PLCH1: variants seen among roughly 807,000 people sequenced by gnomAD.
The protein encoded by PLCH1 is phospholipase C eta 1, also known as 1-phosphatidylinositol 4,5-bisphosphate phosphodiesterase eta-1.
A neutral mutation model predicts 126.7 loss-of-function variants in PLCH1; 60 were observed. The ratio of observed to expected loss-of-function variants is 0.47; its 90% CI spans 0.38 to 0.59. The LOEUF is 0.59. Ranked by LOEUF, PLCH1 falls within the 20% of genes least tolerant of loss-of-function variation. The pLI is 0.00. For missense variants in PLCH1, 1,723 were observed against 2,040.0 expected (o/e 0.84, Z 2.99); for synonymous variants, 719 against 734.9 (o/e 0.98, Z 0.35).
At chr3:155,714,686 A>G (rs1747381405) in intron 1 of PLCH1, among the ~76,000 whole-genome samples, 1 of 152,200 alleles carries the variant, frequency 6.6e-6, no homozygotes, top group African/African-American at 2.4e-5. Context: ...TCGACCCTCC[A>G]AAGACACCCG....
intron 2 of PLCH1, among the ~76,000 whole-genome samples, chr3:155,694,429 A>G (rs1395956501): frequency 6.6e-6 from 1 of 152,248 alleles, no homozygotes; most frequent in Non-Finnish European, 1.5e-5. Context: ...ACATCTAGAG[A>G]TGATAAGCTT....
At chr3:155,593,012 T>C (rs912698210) in intron 4 of PLCH1, among the ~76,000 whole-genome samples, 1 of 152,160 alleles carries the variant, frequency 6.6e-6, no homozygotes, top group Non-Finnish European at 1.5e-5. Flanking sequence ...TCCATTCTTT[T>C]CCAGCAATAC....
chr3:155,679,610 T>G (rs1744354769), intron 2 of PLCH1, among the ~76,000 whole-genome samples: 1 of 152,180 alleles, frequency 6.6e-6, no homozygotes, highest in East Asian at 1.9e-4. Flanking sequence ...AATTCTAAAC[T>G]GAGATAAACT....
At chr3:155,569,020 T>C (rs1041419889) in intron 6 of PLCH1, among the ~76,000 whole-genome samples, 6 of 152,140 alleles carry the variant, frequency 3.9e-5, no homozygotes, top group Admixed American at 1.3e-4. Context: ...ATTAAATGAA[T>C]TGATATTTGC....
At chr3:155,742,434 G>A (rs962677674) in intron 1 of PLCH1, 4 of 152,084 alleles carry the variant, frequency 2.6e-5, no homozygotes, top group Non-Finnish European at 4.4e-5. Context: ...TTGCAAATCT[G>A]GTGCCACTAT....
intron 8 of PLCH1, among the ~76,000 whole-genome samples, chr3:155,557,632 T>C (rs962375366): frequency 2.6e-5 from 4 of 152,178 alleles, no homozygotes; most frequent in African/African-American, 9.7e-5. Context: ...GCAGTGAAGT[T>C]TCCTGTAAGT....
At chr3:155,561,050 T>C (rs1056718895) in intron 8 of PLCH1, among the ~76,000 whole-genome samples, 1 of 152,112 alleles carries the variant, frequency 6.6e-6, no homozygotes, top group African/African-American at 2.4e-5. Flanking sequence ...CATTAAAAAA[T>C]CTCTCCTCTT....
At chr3:155,641,667 C>T (rs189452002) in intron 2 of PLCH1, among the ~76,000 whole-genome samples, 1 of 152,268 alleles carries the variant, frequency 6.6e-6, no homozygotes, top group East Asian at 1.9e-4. Context: ...GATCATTACA[C>T]ATTGTATGCC....
At position 155,482,551 on chromosome 3, in the gene PLCH1, G is replaced by A. The variant is rs757343168; in HGVS notation, c.3475C>T (p.His1159Tyr). Residue 1159 changes from histidine (H) to tyrosine (Y), a missense_variant, in exon 23 of 23, where the codon CAT becomes TAT. This residue lies in a region of PLCH1 where 947 missense variants were observed against 977.1 expected (regional missense o/e 0.97). Coordinates refer to ENST00000460012, the MANE Select transcript of PLCH1 (RefSeq NM_014996.4). ...CTCTCCTGCAGAATTGCAGTTGAATGTAGGTCAGGTATGTCAGAACAGAGC... is the reference window on the plus strand; with the variant it reads ...CTCTCCTGCAGAATTGCAGTTGAATATAGGTCAGGTATGTCAGAACAGAGC... ...SMLCSDIPDL[H>Y]STAILQESVI... is the part of the protein sequence containing the mutation. 1.9e-6 allele frequency: 3 copies of A among 1,614,192 alleles called. No homozygotes were observed. The highest frequency in any genetic ancestry group is 2.5e-6 in the Non-Finnish European group (3 of 1,180,028).
chr3:155,575,405 A>G (rs922151138), intron 6 of PLCH1, among the ~76,000 whole-genome samples: 14 of 152,198 alleles, frequency 9.2e-5, no homozygotes, highest in Admixed American at 3.3e-4. Context: ...CAGAATGATC[A>G]AAGAAACATT....
chr3:155,485,383 C>G lies in PLCH1; in HGVS notation c.2947G>C (p.Asp983His). The G allele has an allele frequency of 6.2e-7, 1 of 1,606,108 alleles. No homozygotes were observed. Among genetic ancestry groups the G allele is most frequent in the Non-Finnish European group, 8.5e-7 (1 of 1,173,176 alleles). ...LSLPVSETAKDIEGKENSLAE... is the reference protein window; with the variant it reads ...LSLPVSETAKHIEGKENSLAE... ...AGAGAGTTTTCTTTTCCTTCAATGT[C>G]TTTTGCTGTTTCAGATACAGGCAGC... is the stretch of plus-strand genomic sequence containing the variant. Residue 983 changes from aspartate (D) to histidine (H), a missense_variant, in exon 22 of 23, where the codon GAC becomes CAC. Asp to His is a moderately conservative substitution (Grantham distance 81). This residue lies in a region of PLCH1 where 947 missense variants were observed against 977.1 expected (regional missense o/e 0.97). Coordinates refer to ENST00000460012, the MANE Select transcript of PLCH1 (RefSeq NM_014996.4).
chr3:155,730,324 C>G (rs532111462), intron 1 of PLCH1, among the ~76,000 whole-genome samples: 1 of 151,992 alleles, frequency 6.6e-6, no homozygotes, highest in Non-Finnish European at 1.5e-5. Flanking sequence ...CTCTTTCACC[C>G]AGGCGGGAGT....
chr3:155,535,850 C>G (rs892607090), intron 10 of PLCH1, among the ~76,000 whole-genome samples: 1 of 152,124 alleles, frequency 6.6e-6, no homozygotes, highest in Admixed American at 6.6e-5. Flanking sequence ...TGGAGGATAA[C>G]CAACAACTAG....
At chr3:155,605,823 C>T (rs1282500494) in intron 2 of PLCH1, among the ~76,000 whole-genome samples, 2 of 152,090 alleles carry the variant, frequency 1.3e-5, no homozygotes, top group Non-Finnish European at 2.9e-5. Flanking sequence ...GTTGAATTTT[C>T]CCTTCTCTGA....
chr3:155,562,800 C>T (rs1418995578), intron 8 of PLCH1, among the ~76,000 whole-genome samples: 1 of 152,130 alleles, frequency 6.6e-6, no homozygotes, highest in Non-Finnish European at 1.5e-5. Context: ...ATCTCTTGTC[C>T]CCTTTATTCC....
chr3:155,561,388 G>GT (rs1174963333), intron 8 of PLCH1, among the ~76,000 whole-genome samples: 1 of 150,670 alleles, frequency 6.6e-6, no homozygotes, highest in Non-Finnish European at 1.5e-5. Context: ...GCGGAGTTTG[G>GT]TTTTTTGTTC....
At chr3:155,463,442 T>A (rs1712803550) in intron 21 of PLCH1, among the ~76,000 whole-genome samples, 1 of 152,198 alleles carries the variant, frequency 6.6e-6, no homozygotes, top group East Asian at 1.9e-4. Context: ...AGATGTTAAC[T>A]ATATGTTTAT....
At chr3:155,593,838 T>G (rs1732523265) in intron 4 of PLCH1, 103 bp downstream of exon 4, 1 of 1,206,314 alleles carries the variant, frequency 8.3e-7, no homozygotes, top group Non-Finnish European at 1.2e-6. Flanking sequence ...GAAAGGAAAA[T>G]TATGGGAAAA....
chr3:155,535,185 T>C (rs1723189291), intron 10 of PLCH1, among the ~76,000 whole-genome samples: 1 of 152,152 alleles, frequency 6.6e-6, no homozygotes, highest in South Asian at 2.1e-4. Flanking sequence ...AGGCTACCAG[T>C]AGAACTGGGG....
Sources: gnomAD v4.1 joint callset for allele counts (sites outside exome capture counted in the v4.1 genomes callset) on GRCh38, gnomAD v4.1.1 for gene constraint, gnomAD v4.1.1 regional missense constraint, MANE v1.5 for transcripts, NCBI Gene and HGNC (gene_info 2026-07-23, HGNC 2026-07-21) for gene names.